The following AKT3 variants were observed in gnomAD, a reference collection of about 807,000 sequenced individuals.
AKT3 encodes RAC-gamma serine/threonine-protein kinase.
In AKT3, 15 loss-of-function variants were observed where a neutral mutation model predicts 65.3. The ratio of observed to expected loss-of-function variants is 0.23; its 90% CI spans 0.15 to 0.35. The LOEUF (loss-of-function observed/expected upper bound fraction) is 0.35, where lower values mean the gene tolerates loss of function less well. AKT3 is among the 10% of genes least tolerant of loss of function. AKT3 has a pLI of 1.00. For missense variants in AKT3, 243 were observed against 576.5 expected, an observed-to-expected ratio of 0.42 and a Z score of 5.92; for synonymous variants, 206 against 183.8, an observed-to-expected ratio of 1.12 and a Z score of -0.98.
At chr1:243,687,853 A>G (rs1684431084) in intron 3 of AKT3, 1 of 152,182 alleles carries the variant, frequency 6.6e-6, no homozygotes, top group Non-Finnish European at 1.5e-5. Context: ...AATTCTGCAA[A>G]TATCTGAACA....
intron 2 of AKT3, among the ~76,000 whole-genome samples, chr1:243,791,294 T>G (rs971203632): frequency 1.3e-5 from 2 of 152,102 alleles, no homozygotes; most frequent in African/African-American, 4.8e-5. Context: ...ATTCTTTTTT[T>G]TTTTTCTCAA....
At chr1:243,835,947 G>T (rs1298144749) in intron 2 of AKT3, among the ~76,000 whole-genome samples, 1 of 151,802 alleles carries the variant, frequency 6.6e-6, no homozygotes, top group African/African-American at 2.4e-5. Context: ...GATAAAATAG[G>T]ATACTGAAAA....
intron 2 of AKT3, among the ~76,000 whole-genome samples, chr1:243,831,301 A>G (rs192210069): frequency 4.3e-4 from 66 of 152,358 alleles, no homozygotes; most frequent in Admixed American, 2.8e-3. Context: ...TAACAGATCT[A>G]TGTAATAACA....
chr1:243,751,765 G>A (rs1266170136), intron 2 of AKT3, among the ~76,000 whole-genome samples: 1 of 152,122 alleles, frequency 6.6e-6, no homozygotes, highest in Admixed American at 6.5e-5. Context: ...CACAGGGGAA[G>A]AGAGCTTGCA....
chr1:243,779,185 C>T (rs1191441450), intron 2 of AKT3, among the ~76,000 whole-genome samples: 1 of 152,096 alleles, frequency 6.6e-6, no homozygotes, highest in Non-Finnish European at 1.5e-5. Context: ...TGCTGTTACA[C>T]ACAATAGTTG....
chr1:243,625,021 G>C (rs1163868917), intron 6 of AKT3: 2 of 358,414 alleles, frequency 5.6e-6, no homozygotes, highest in Non-Finnish European at 1.2e-5. Context: ...AAGTTCTGTC[G>C]GTCAGCTTCC....
chr1:243,760,983 G>A (rs750202979), intron 2 of AKT3, among the ~76,000 whole-genome samples: 41 of 152,270 alleles, frequency 2.7e-4, no homozygotes, highest in Admixed American at 1.2e-3. Flanking sequence ...TGATGAAGAC[G>A]TGACCAGAGA....
intron 4 of AKT3, among the ~76,000 whole-genome samples, chr1:243,663,451 G>C (rs572685977): frequency 9.2e-5 from 14 of 151,648 alleles, no homozygotes; most frequent in African/African-American, 3.1e-4. Flanking sequence ...GAGGGTGTGC[G>C]GGGAGGGAGG....
rs777588218 is a variant in AKT3 at position 243,667,404 on chromosome 1, C to A, written c.173-2521G>T. 1.2e-4 allele frequency among the ~76,000 whole-genome samples: 19 copies of A among 152,172 alleles called. 1 individual carries two copies. The highest frequency in any genetic ancestry group is 2.5e-4 in the Non-Finnish European group (17 of 68,024). ...CTCTACTGTGGCTTCCTCTATCTCA[C>A]ATGACACCTCCATCCTTTCAATTGC... On this transcript the variant is annotated intron_variant, in intron 3 of 13. Coordinates refer to ENST00000673466, the MANE Select transcript of AKT3 (RefSeq NM_005465.7).
At chr1:243,643,062 G>T (rs1228709623) in intron 5 of AKT3, among the ~76,000 whole-genome samples, 1 of 152,182 alleles carries the variant, frequency 6.6e-6, no homozygotes, top group East Asian at 1.9e-4. Flanking sequence ...GGGAAGAGGT[G>T]GAGCTAATGT....
At chr1:243,512,572 G>T (rs1670086004) in intron 12 of AKT3, 146 bp from the exon 13 acceptor site, 4 of 579,564 alleles carry the variant, frequency 6.9e-6, no homozygotes, top group Admixed American at 3.7e-5. Flanking sequence ...CATGATATTT[G>T]GCTTCCCAGT....
chr1:243,499,808 A>G lies in AKT3; in HGVS notation c.*5441T>C. 6.2e-7 allele frequency: 1 copy of G among 1,608,900 alleles called. No homozygotes were observed. The highest frequency in any genetic ancestry group is 8.5e-7 in the Non-Finnish European group (1 of 1,175,850). On this transcript the variant is annotated 3_prime_UTR_variant, in exon 14 of 14. Transcript: ENST00000673466. ...TGACCTGGATGGAACAGAGTGAAAT[A>G]AATGATTTACAAAGAGATATTTACA... is the stretch of plus-strand genomic sequence containing the variant.
At chr1:243,705,540 T>TA (rs1348480960) in intron 2 of AKT3, among the ~76,000 whole-genome samples, 2 of 152,314 alleles carry the variant, frequency 1.3e-5, no homozygotes, top group Non-Finnish European at 2.9e-5. Context: ...GCTTTTAAAT[T>TA]ATTCTCTTAA....
At chr1:243,764,090 T>C (rs990253487) in intron 2 of AKT3, among the ~76,000 whole-genome samples, 4 of 152,152 alleles carry the variant, frequency 2.6e-5, no homozygotes, top group Non-Finnish European at 5.9e-5. Context: ...ATTACAATCA[T>C]ATAAATTTTG....
chr1:243,617,263 T>C (rs903053171), intron 6 of AKT3, among the ~76,000 whole-genome samples: 22 of 151,652 alleles, frequency 1.5e-4, no homozygotes, highest in African/African-American at 5.1e-4. Context: ...CTCATGGAGC[T>C]TTAGTTCTAC....
At chr1:243,616,050 G>T (rs901231187) in intron 6 of AKT3, among the ~76,000 whole-genome samples, 1 of 151,928 alleles carries the variant, frequency 6.6e-6, no homozygotes, top group African/African-American at 2.4e-5. Flanking sequence ...GGGGGCGTGG[G>T]TGTTACACAT....
At chr1:243,526,998 T>C (rs989546671) in intron 12 of AKT3, among the ~76,000 whole-genome samples, 1 of 151,892 alleles carries the variant, frequency 6.6e-6, no homozygotes, top group Admixed American at 6.6e-5. Context: ...AACAAAAGAA[T>C]AACACTGGAA....
chr1:243,590,183 T>C (rs553364032), intron 8 of AKT3, among the ~76,000 whole-genome samples: 4 of 152,304 alleles, frequency 2.6e-5, no homozygotes, highest in East Asian at 3.9e-4. Flanking sequence ...ATCATGACTA[T>C]AGTTAATGAT....
intron 2 of AKT3, chr1:243,814,756 C>T (rs1237492665): frequency 3.3e-5 from 5 of 152,180 alleles, no homozygotes; most frequent in Admixed American, 3.3e-4. Flanking sequence ...AAACTTAGCA[C>T]TTTAAAATAA....
Sources: gnomAD v4.1 joint callset for allele counts (sites outside exome capture counted in the v4.1 genomes callset) on GRCh38, gnomAD v4.1.1 for gene constraint, MANE v1.5 for transcripts, NCBI Gene and HGNC (gene_info 2026-07-23, HGNC 2026-07-21) for gene names.